ZNF768: variants seen among roughly 807,000 people sequenced by gnomAD.
ZNF768 encodes the protein zinc finger protein 768.
A neutral mutation model predicts 39.7 loss-of-function variants in ZNF768; 12 were observed. That is an observed-to-expected ratio of 0.30 (90% CI 0.19 to 0.49). ZNF768 has a LOEUF of 0.49. Among genes scored for constraint, ZNF768 ranks in the 20% least tolerant of loss-of-function variants. ZNF768 has a pLI of 0.99. For synonymous variants in ZNF768, 360 were observed against 288.4 expected (o/e 1.25, Z -2.52); for missense variants, 613 against 723.2 (o/e 0.85, Z 1.75).
rs376086328 is a variant in ZNF768, at chr16:30,525,572, C to T, written c.568G>A (p.Val190Ile). Residue 190 changes from valine (V) to isoleucine (I), a missense_variant, in exon 2 of 2, where the codon GTA becomes ATA. Physicochemically the swap from Val to Ile is conservative, Grantham distance 29. Coordinates refer to ENST00000380412, the MANE Select transcript of ZNF768 (RefSeq NM_024671.4). Reference protein sequence around the residue: ...PEEKSPLNISVGVHPLDSFTQ... With the variant: ...PEEKSPLNISIGVHPLDSFTQ... Reference sequence around the variant, plus strand: ...AAGGAGTCCAGGGGGTGAACTCCTACGGAGATATTCAAAGGACTCTTTTCC... The same window carrying T: ...AAGGAGTCCAGGGGGTGAACTCCTATGGAGATATTCAAAGGACTCTTTTCC... The T allele has an allele frequency of 1.2e-5, 20 of 1,614,126 alleles. No individual in the cohort carries two copies. Among genetic ancestry groups the T allele is most frequent in the Non-Finnish European group, 1.7e-5 (20 of 1,180,044 alleles).
upstream of ZNF768, chr16:30,526,701 C>T: frequency 1.1e-6 from 1 of 909,044 alleles, no homozygotes; most frequent in Non-Finnish European, 1.3e-6. Flanking sequence ...TTCGCGACTA[C>T]CCCGGCGGCC....
intron 1 of ZNF768, 93 bp downstream of exon 1, chr16:30,526,233 G>T (rs2051322116): frequency 1.3e-6 from 2 of 1,569,054 alleles, no homozygotes; most frequent in Non-Finnish European, 1.7e-6. Context: ...CGAGTCCCAG[G>T]TGTCCCAGCC....
chr16:30,526,994 T>G (rs1212779513), upstream of ZNF768: 1 of 985,170 alleles, frequency 1.0e-6, no homozygotes. Flanking sequence ...TGTGCCTATG[T>G]TCTAGGTCTC....
upstream of ZNF768, chr16:30,530,679 A>C (rs1021507651): frequency 5.9e-5 from 9 of 152,244 alleles, no homozygotes; most frequent in African/African-American, 2.2e-4. This position sits in a 1 kb window ranked among gnomAD's most constrained non-coding sequence, Gnocchi z 4.4. Flanking sequence ...AAGTCAGTTC[A>C]TTACTTGACA....
Position 30,524,629 on chromosome 16 carries a change from T to C in ZNF768, c.1511A>G (p.His504Arg). 2 of 1,612,864 alleles carry C rather than the reference T, an allele frequency of 1.2e-6. No individual in the cohort carries two copies. The highest frequency in any genetic ancestry group is 1.7e-6 in the Non-Finnish European group (2 of 1,179,888). The stretch of plus-strand genomic sequence containing the variant: ...AGGCCGCTCGCCACTGTGGACCCGG[T>C]GATGCTGCAGAAGCGTGGAGGAGCG... ...FCRSSTLLQHHRVHSGERPYK... is the reference protein window; with the variant it reads ...FCRSSTLLQHRRVHSGERPYK... Residue 504 changes from histidine (H) to arginine (R), a missense_variant, in exon 2 of 2, where the codon CAC becomes CGC. By Grantham distance (29) the His-to-Arg change is conservative. Coordinates refer to ENST00000380412, the MANE Select transcript of ZNF768 (RefSeq NM_024671.4).
At position 30,525,516 on chromosome 16, in the gene ZNF768, C is replaced by T. The variant is rs139435151; in HGVS notation, c.624G>A (p.Gly208=). ...FTQGFGEQPT[G]DLPIGPPFEM... is the part of the protein sequence containing the mutation. ...CAAAAGGTGGCCCTATGGGCAGGTC[C>T]CCTGTGGGCTGCTCCCCAAACCCCT... The change falls in exon 2 of 2, where the codon GGG becomes GGA. Residue 208 remains glycine (G), a synonymous_variant. Coordinates refer to ENST00000380412, the MANE Select transcript of ZNF768 (RefSeq NM_024671.4). 200 of 1,614,074 alleles carry T rather than the reference C, an allele frequency of 1.2e-4. No homozygotes were observed. The highest frequency in any genetic ancestry group is 1.6e-4 in the Non-Finnish European group (190 of 1,180,040).
At chr16:30,527,135 T>G, upstream of ZNF768, 2 of 984,996 alleles carry the variant, frequency 2.0e-6, no homozygotes, top group Non-Finnish European at 2.4e-6. Context: ...GCGGGGGCGG[T>G]GTCTCGCTCC....
chr16:30,525,491 C>G lies in ZNF768; in HGVS notation c.649G>C (p.Glu217Gln). 4 of 1,614,168 alleles carry G rather than the reference C, an allele frequency of 2.5e-6. No homozygotes were observed. The highest frequency in any genetic ancestry group is 3.4e-6 in the Non-Finnish European group (4 of 1,180,028). ...TGDLPIGPPF[E>Q]MPTGALLSTP... ...GACAGCAGGGCCCCTGTGGGCATCT[C>G]AAAAGGTGGCCCTATGGGCAGGTCC... The change falls in exon 2 of 2, where the codon GAG becomes CAG. Residue 217 changes from glutamate (E) to glutamine (Q), a missense_variant. Around this residue, in one of 4 missense-constraint regions of ZNF768, gnomAD observed 347 missense variants for 326.1 expected, o/e 1.06. Coordinates refer to ENST00000380412, the MANE Select transcript of ZNF768 (RefSeq NM_024671.4).
At chr16:30,529,217 G>A (rs1289714761), upstream of ZNF768, among the ~76,000 whole-genome samples, 1 of 152,262 alleles carries the variant, frequency 6.6e-6, no homozygotes, top group African/African-American at 2.4e-5. Context: ...GATAAGGGCT[G>A]CATCTTGACC....
Position 30,525,517 on chromosome 16 carries a change from C to T in ZNF768, c.623G>A (p.Gly208Glu), listed in dbSNP as rs761282524. Residue 208 changes from glycine to glutamate, a missense_variant, in exon 2 of 2, where the codon GGG becomes GAG. This residue lies in a region of ZNF768 where 347 missense variants were observed against 326.1 expected (regional missense o/e 1.06). Transcript: ENST00000380412. ...FTQGFGEQPT[G>E]DLPIGPPFEM... ...AAAAGGTGGCCCTATGGGCAGGTCC[C>T]CTGTGGGCTGCTCCCCAAACCCCTG... The T allele has an allele frequency of 1.9e-6, 3 of 1,614,068 alleles. No homozygotes were observed. Among genetic ancestry groups the T allele is most frequent in the African/African-American group, 2.7e-5 (2 of 74,940 alleles).
chr16:30,532,023 C>T, the ZNF768 span: 1 of 174,188 alleles, frequency 5.7e-6, no homozygotes, highest in African/African-American at 2.4e-5. Flanking sequence ...TGGCAGGTGC[C>T]TGTAATTCCA....
In ZNF768 at chr16:30,525,070, C is replaced by T; in HGVS notation, c.1070G>A (p.Ser357Asn). The change falls in exon 2 of 2, where the codon AGC becomes AAC. Residue 357 changes from serine (S) to asparagine (N), a missense_variant. By Grantham distance (46) the Ser-to-Asn change is conservative (BLOSUM62 1). Coordinates refer to ENST00000380412, the MANE Select transcript of ZNF768 (RefSeq NM_024671.4). ...CPHCGKAFGD[S>N]SYLLRHQRTH... is the part of the protein sequence containing the mutation. ...GCGCTGGTGTCGCAGGAGGTAGGAGCTGTCGCCGAAGGCCTTGCCACAATG... is the reference window on the plus strand; with the variant it reads ...GCGCTGGTGTCGCAGGAGGTAGGAGTTGTCGCCGAAGGCCTTGCCACAATG... 2 of 1,614,176 alleles carry T rather than the reference C, an allele frequency of 1.2e-6. No homozygotes were observed. Among genetic ancestry groups the T allele is most frequent in the South Asian group, 2.2e-5 (2 of 91,088 alleles).
At chr16:30,526,099 G>C in intron 1 of ZNF768, 48 bp from the exon 2 acceptor site, 1 of 1,491,690 alleles carries the variant, frequency 6.7e-7, no homozygotes, top group Non-Finnish European at 8.9e-7. Flanking sequence ...AAGGTCATTT[G>C]GTCCATTAGC....
rs751951904 is a variant in ZNF768 at position 30,524,500 on chromosome 16, C to G, written c.*17G>C. ...TTATCTTCTGCCCACACCTCCCACCCCTGCTGGGGCCCCAGGTCAGCGCCG... is the reference window on the plus strand; with the variant it reads ...TTATCTTCTGCCCACACCTCCCACCGCTGCTGGGGCCCCAGGTCAGCGCCG... On this transcript the variant is annotated 3_prime_UTR_variant, in exon 2 of 2. Transcript: ENST00000380412. 6.3e-7 allele frequency: 1 copy of G among 1,596,244 alleles called. No individual in the cohort carries two copies. The highest frequency in any genetic ancestry group is 2.2e-5 in the East Asian group (1 of 44,770).
upstream of ZNF768, among the ~76,000 whole-genome samples, chr16:30,529,247 G>A (rs934066717): frequency 3.9e-5 from 6 of 152,256 alleles, no homozygotes; most frequent in Non-Finnish European, 7.3e-5. Flanking sequence ...CTAATCCAAG[G>A]CAGGAGAAAC....
rs775508700 is a variant in ZNF768, at chr16:30,524,830, C to T, written c.1310G>A (p.Arg437His). Residue 437 changes from arginine (R) to histidine (H), a missense_variant, in exon 2 of 2, where the codon CGC becomes CAC. Coordinates refer to ENST00000380412, the MANE Select transcript of ZNF768 (RefSeq NM_024671.4). Reference protein sequence around the residue: ...KPFKCPECGKRFGQSSVLAIH... With the variant: ...KPFKCPECGKHFGQSSVLAIH... ...GGCCAGCACCGAGCTCTGGCCAAAG[C>T]GCTTGCCGCACTCAGGGCACTTGAA... The T allele has an allele frequency of 3.7e-6, 6 of 1,610,510 alleles. No individual in the cohort carries two copies. The Admixed American group carries it at 8.3e-5, about 22-fold the overall frequency.
chr16:30,525,932 G>A lies in ZNF768; in HGVS notation c.208C>T (p.Pro70Ser). 1.3e-6 allele frequency: 2 copies of A among 1,514,822 alleles called. No individual in the cohort carries two copies. Among genetic ancestry groups the A allele is most frequent in the Non-Finnish European group, 8.8e-7 (1 of 1,134,664 alleles). The allele number at this position is 1,514,822 out of a possible 1,614,324, so 93.8% of individuals were successfully genotyped here. A position where few individuals can be genotyped will look rare whatever the true frequency, so the allele number is the denominator to read the frequency against. ...CTGGGGCTTTGGGGTTCAAACTCTGGGCTTTGTGGCTCAAACCCAGGGCTC... is the reference window on the plus strand; with the variant it reads ...CTGGGGCTTTGGGGTTCAAACTCTGAGCTTTGTGGCTCAAACCCAGGGCTC... ...PQSPGFEPQS[P>S]EFEPQSPRFE... The change falls in exon 2 of 2, where the codon CCA (proline) becomes TCA (serine). Residue 70 changes from proline to serine, a missense_variant. Physicochemically the swap from Pro to Ser is moderately conservative, Grantham distance 74. Transcript: ENST00000380412.
At chr16:30,527,662 C>T (rs2051341259), upstream of ZNF768, 1 of 152,368 alleles carries the variant, frequency 6.6e-6, no homozygotes, top group South Asian at 2.1e-4. Context: ...CACTTAGCCT[C>T]CATTATGTTT....
chr16:30,532,328 G>C, the ZNF768 span: 1 of 750,712 alleles, frequency 1.3e-6, no homozygotes, highest in African/African-American at 1.8e-5. Flanking sequence ...GGGCAGCGGG[G>C]AGCAAGGTGC....
Sources: gnomAD v4.1 joint callset for allele counts (sites outside exome capture counted in the v4.1 genomes callset) on GRCh38, gnomAD v4.1.1 for gene constraint, gnomAD v4.1.1 regional missense constraint, Gnocchi (gnomAD v3.1) non-coding constraint, MANE v1.5 for transcripts, NCBI Gene and HGNC (gene_info 2026-07-23, HGNC 2026-07-21) for gene names.